BBS9: variants seen among roughly 807,000 people sequenced by gnomAD.
The protein encoded by BBS9 is protein PTHB1.
Under a neutral mutation model 117.7 loss-of-function variants are expected in BBS9, and 89 were observed. That is an observed-to-expected ratio of 0.76 (90% confidence interval 0.64 to 0.90). The LOEUF is 0.90. Ranked by LOEUF, BBS9 falls within the 40% of genes least tolerant of loss-of-function variation. The pLI, the probability that BBS9 is intolerant of heterozygous loss-of-function variation, is 0.00. For missense variants in BBS9, 982 were observed against 1,042.2 expected (o/e 0.94, Z 0.80); for synonymous variants, 379 against 370.9 (o/e 1.02, Z -0.25).
At chr7:33,136,721 A>G (rs1039669942) in intron 1 of BBS9, among the ~76,000 whole-genome samples, 4 of 152,178 alleles carry the variant, frequency 2.6e-5, no homozygotes, top group African/African-American at 9.6e-5. Context: ...ATTGGATTCA[A>G]TTAGCTAGTA....
At chr7:33,259,824 T>C (rs1037730849) in intron 6 of BBS9, among the ~76,000 whole-genome samples, 2 of 152,040 alleles carry the variant, frequency 1.3e-5, no homozygotes, top group Admixed American at 1.3e-4. Context: ...CTTAATACTT[T>C]CTCTTATTCA....
chr7:33,177,521 A>G lies in BBS9; in HGVS notation c.372A>G (p.Lys124=). The G allele has an allele frequency of 6.2e-7, 1 of 1,613,572 alleles. No individual in the cohort carries two copies. Among genetic ancestry groups the G allele is most frequent in the Non-Finnish European group, 8.5e-7 (1 of 1,179,866 alleles). The part of the protein sequence containing the change: ...NVEHGNQCQM[K]LMYEHNLQRT... ...AACATGGGAACCAATGTCAGATGAA[A>G]TTGATGTATGAACATAATCTTCAGA... Residue 124 remains lysine (K), a synonymous_variant, in exon 5 of 23, where the codon AAA becomes AAG. Transcript: ENST00000242067.
rs145515075 is a variant in BBS9, at chr7:33,274,220, G to T, written c.1016+264G>T. Among the ~76,000 whole-genome samples, 1,314 of 152,218 alleles carry T rather than the reference G, an allele frequency of 8.6e-3. 17 individuals are homozygous for T. Among genetic ancestry groups the T allele is most frequent in the South Asian group, 0.043 (209 of 4,822 alleles). On this transcript the variant is annotated intron_variant, in intron 9 of 22. Coordinates refer to ENST00000242067, the MANE Select transcript of BBS9 (RefSeq NM_198428.3). ...AAACTGGTGAAGACATCAAGAAAAT[G>T]GTTTACTTGATAGATTATTCTTCAG...
At chr7:33,389,933 T>A (rs538322387) in intron 19 of BBS9, among the ~76,000 whole-genome samples, 1 of 152,270 alleles carries the variant, frequency 6.6e-6, no homozygotes, top group Non-Finnish European at 1.5e-5. Flanking sequence ...CCATAATGTA[T>A]GGAATTTACA....
At chr7:33,592,649 T>C (rs1862122718) in intron 21 of BBS9, among the ~76,000 whole-genome samples, 1 of 152,090 alleles carries the variant, frequency 6.6e-6, no homozygotes, top group South Asian at 2.1e-4. Flanking sequence ...TCAACCTGTT[T>C]CCAAGCCAGT....
chr7:33,564,053 T>G (rs1029196808), intron 21 of BBS9, among the ~76,000 whole-genome samples: 3 of 152,200 alleles, frequency 2.0e-5, no homozygotes, highest in African/African-American at 7.2e-5. Context: ...AAAAAAAATT[T>G]CATTATGTTA....
At chr7:33,418,702 A>G (rs1244597389) in intron 19 of BBS9, among the ~76,000 whole-genome samples, 1 of 152,122 alleles carries the variant, frequency 6.6e-6, no homozygotes, top group Non-Finnish European at 1.5e-5. Context: ...TTGCTGGTTG[A>G]CTTAATAGGG....
chr7:33,385,006 G>C (rs974798726), intron 18 of BBS9, among the ~76,000 whole-genome samples: 2 of 152,124 alleles, frequency 1.3e-5, no homozygotes, highest in Admixed American at 1.3e-4. Context: ...CGTATGGAAT[G>C]AGAATCTTTG....
chr7:33,562,094 G>A (rs188131460), intron 21 of BBS9, among the ~76,000 whole-genome samples: 104 of 152,288 alleles, frequency 6.8e-4, no homozygotes, highest in Admixed American at 4.1e-3. Flanking sequence ...ATAAGTAGTA[G>A]TATGTTTTAT....
rs762150446 is a variant in BBS9 at position 33,352,883 on chromosome 7, A to G, written c.1552+10A>G. The G allele has an allele frequency of 6.2e-7, 1 of 1,610,348 alleles. No homozygotes were observed. The highest frequency in any genetic ancestry group is 8.5e-7 in the Non-Finnish European group (1 of 1,176,818). On this transcript the variant is annotated intron_variant, in intron 15 of 22. Coordinates refer to ENST00000242067, the MANE Select transcript of BBS9 (RefSeq NM_198428.3). Reference sequence around the variant, plus strand: ...GATCGAAATCCTGATGGTAAGTGTAAAGATAATTTAGAAAAAAATGAATTT... The same window carrying G: ...GATCGAAATCCTGATGGTAAGTGTAGAGATAATTTAGAAAAAAATGAATTT...
At chr7:33,441,796 A>T (rs1836234502) in intron 19 of BBS9, among the ~76,000 whole-genome samples, 1 of 152,114 alleles carries the variant, frequency 6.6e-6, no homozygotes, top group Admixed American at 6.6e-5. Flanking sequence ...TGGAGCTCAG[A>T]AAGTTTAGGA....
chr7:33,553,794 C>A (rs1283083961), intron 21 of BBS9, among the ~76,000 whole-genome samples: 2 of 151,998 alleles, frequency 1.3e-5, no homozygotes, highest in African/African-American at 4.8e-5. Context: ...GTGTGCTGGG[C>A]TCTATGCTAG....
intron 19 of BBS9, among the ~76,000 whole-genome samples, chr7:33,477,134 A>C (rs1332771424): frequency 1.3e-5 from 2 of 152,202 alleles, no homozygotes; most frequent in African/African-American, 2.4e-5. Context: ...GGTGATAATA[A>C]AGGTAACTAT....
At chr7:33,333,892 G>A (rs998125434) in intron 9 of BBS9, among the ~76,000 whole-genome samples, 6 of 152,094 alleles carry the variant, frequency 3.9e-5, no homozygotes, top group African/African-American at 7.2e-5. Context: ...GATTACAGGC[G>A]TGAGCCACCA....
At chr7:33,373,583 G>GA (rs201632589) in intron 17 of BBS9, among the ~76,000 whole-genome samples, 1,866 of 152,218 alleles carry the variant, frequency 0.012, 25 homozygotes, top group Middle Eastern at 0.058. Context: ...CCCCAAATCT[G>GA]AAAAAATCTG....
At chr7:33,415,871 G>A (rs1374719711) in intron 19 of BBS9, among the ~76,000 whole-genome samples, 2 of 152,058 alleles carry the variant, frequency 1.3e-5, no homozygotes. Context: ...GTCTCATTCT[G>A]CCACCCAGGC....
intron 21 of BBS9, among the ~76,000 whole-genome samples, chr7:33,602,991 AGTCTT>A (rs1313474036): frequency 2.6e-5 from 4 of 152,184 alleles, no homozygotes; most frequent in Non-Finnish European, 5.9e-5. Context: ...AGAACTAGGA[AGTCTT>A]CTATTTCTGT....
intron 15 of BBS9, among the ~76,000 whole-genome samples, chr7:33,355,318 G>A (rs1819426739): frequency 6.6e-6 from 1 of 151,908 alleles, no homozygotes. Flanking sequence ...AATCCCAGTA[G>A]AAATGTGCCT....
chr7:33,140,473 G>A (rs1438912791), intron 1 of BBS9, among the ~76,000 whole-genome samples: 1 of 152,124 alleles, frequency 6.6e-6, no homozygotes, highest in Non-Finnish European at 1.5e-5. Context: ...CCATGAAGAT[G>A]ACTATGCTGT....
Sources: allele counts gnomAD v4.1 joint callset (sites outside exome capture counted in the v4.1 genomes callset), GRCh38; gene constraint gnomAD v4.1.1; transcripts MANE v1.5; gene names NCBI Gene and HGNC (gene_info 2026-07-23, HGNC 2026-07-21).